THOP1: variants seen among roughly 807,000 people sequenced by gnomAD.
THOP1 encodes the protein thimet oligopeptidase 1.
In THOP1, 49 loss-of-function variants were observed where a neutral mutation model predicts 71.8. That is an observed-to-expected ratio of 0.68 (90% CI 0.54 to 0.87). The LOEUF is 0.87. THOP1 is among the 40% of genes least tolerant of loss of function. The probability of loss-of-function intolerance (pLI) is 0.00; values close to 1 mark genes in which losing one functional copy is unlikely to be tolerated. For missense variants in THOP1, 843 were observed against 975.6 expected, an observed-to-expected ratio of 0.86 and a Z score of 1.81; for synonymous variants, 426 against 421.5, an observed-to-expected ratio of 1.01 and a Z score of -0.13.
Position 2,811,645 on chromosome 19 carries a change from G to T in THOP1, c.1819G>T (p.Ala607Ser), listed in dbSNP as rs199651055. The T allele has an allele frequency of 1.3e-5, 21 of 1,613,270 alleles. No homozygotes were observed. Among genetic ancestry groups the T allele is most frequent in the Non-Finnish European group, 1.8e-5 (21 of 1,179,922 alleles). Residue 607 changes from alanine to serine, a missense_variant, in exon 12 of 13, where the codon GCC becomes TCC. Physicochemically the swap from Ala to Ser is moderately conservative, Grantham distance 99. Coordinates refer to ENST00000307741, the MANE Select transcript of THOP1 (RefSeq NM_003249.5). ...TFGHLAGGYD[A>S]QYYGYLWSEV... The stretch of plus-strand genomic sequence containing the variant: ...CGGCCATCTGGCAGGTGGCTACGAC[G>T]CCCAGTACTACGGGTACCTGTGGAG...
intron 3 of THOP1, among the ~76,000 whole-genome samples, chr19:2,795,573 G>A (rs1484950539): frequency 6.6e-6 from 1 of 152,164 alleles, no homozygotes; most frequent in Non-Finnish European, 1.5e-5. Context: ...TGATAGCCGT[G>A]GATTGTTATT....
At chr19:2,800,103 C>T (rs1916112008) in intron 5 of THOP1, among the ~76,000 whole-genome samples, 1 of 152,250 alleles carries the variant, frequency 6.6e-6, no homozygotes, top group Admixed American at 6.5e-5. Context: ...CCAAGGGTGC[C>T]AGTCTCAGCC....
Position 2,805,188 on chromosome 19 carries a change from C to T in THOP1, c.750+12C>T, listed in dbSNP as rs760369142. The T allele has an allele frequency of 3.7e-5, 60 of 1,606,986 alleles. No individual in the cohort carries two copies. Among genetic ancestry groups the T allele is most frequent in the Admixed American group, 3.5e-4 (21 of 59,392 alleles). On this transcript the variant is annotated intron_variant, in intron 6 of 12. Coordinates refer to ENST00000307741, the MANE Select transcript of THOP1 (RefSeq NM_003249.5). The surrounding 1 kb of genome is among the most constrained non-coding windows in gnomAD (Gnocchi z 6.6). ...GCCGGTGCAAGGAGGTGAGAAGGCACGGCCAGGGGGCCCCAGAACAGTGGG... is the reference window on the plus strand; with the variant it reads ...GCCGGTGCAAGGAGGTGAGAAGGCATGGCCAGGGGGCCCCAGAACAGTGGG...
chr19:2,789,946 G>A (rs1039462371), intron 1 of THOP1: 1 of 160,088 alleles, frequency 6.2e-6, no homozygotes, highest in South Asian at 1.4e-4. Context: ...GTACAGATGG[G>A]GTTTCACCAT....
chr19:2,793,354 C>T (rs1176969720), intron 2 of THOP1, among the ~76,000 whole-genome samples: 1 of 152,132 alleles, frequency 6.6e-6, no homozygotes, highest in East Asian at 1.9e-4. Context: ...CCACGCGTCC[C>T]CTCCTGTCTC....
intron 2 of THOP1, 141 bp downstream of exon 2, chr19:2,790,774 C>T (rs552597339): frequency 1.8e-5 from 13 of 718,412 alleles, no homozygotes; most frequent in South Asian, 5.2e-5. Context: ...CACAGGGCAG[C>T]GCCACCTGCT....
At position 2,807,637 on chromosome 19, in the gene THOP1, C is replaced by T; in HGVS notation, c.1082C>T (p.Pro361Leu). 8 of 1,611,496 alleles carry T rather than the reference C, an allele frequency of 5.0e-6. No homozygotes were observed. Among genetic ancestry groups the T allele is most frequent in the Non-Finnish European group, 6.8e-6 (8 of 1,178,952 alleles). The change falls in exon 8 of 13, where the codon CCC becomes CTC. Residue 361 changes from proline (P) to leucine (L), a missense_variant. Pro to Leu is a moderately conservative substitution (Grantham distance 98). Transcript: ENST00000307741. ...CAGAACCTGCTCAAGGAGTACTTCC[C>T]CGTGCAGGTGGTCACGCACGGGCTG... ...VDQNLLKEYF[P>L]VQVVTHGLLG...
chr19:2,802,065 C>A (rs553213739), intron 5 of THOP1, among the ~76,000 whole-genome samples: 2 of 151,744 alleles, frequency 1.3e-5, no homozygotes, highest in East Asian at 3.9e-4. Context: ...CCAACACTGC[C>A]ATCTCCCGAT....
Position 2,790,493 on chromosome 19 carries a change from C to T in THOP1, c.89C>T (p.Ala30Val), listed in dbSNP as rs768045466. 5.6e-6 allele frequency: 9 copies of T among 1,606,038 alleles called. No individual in the cohort carries two copies. In the South Asian group the frequency reaches 1.0e-4, roughly 18 times the overall value. ...AACGACCTGCGGTGGGACCTGAGTG[C>T]CCAGCAGATAGAGGAGCGCACCAGG... Reference protein sequence around the residue: ...VVNDLRWDLSAQQIEERTREL... With the variant: ...VVNDLRWDLSVQQIEERTREL... The change falls in exon 2 of 13, where the codon GCC (alanine) becomes GTC (valine). Residue 30 changes from alanine to valine, a missense_variant. Transcript: ENST00000307741.
intron 12 of THOP1, 163 bp downstream of exon 12, chr19:2,811,897 C>T (rs10414954): frequency 2.5e-6 from 3 of 1,184,156 alleles, no homozygotes; most frequent in Non-Finnish European, 3.3e-6. Context: ...AGGGCGTCCT[C>T]AACAGCAGGG....
At chr19:2,808,469 AGGGGC>A in intron 9 of THOP1, 25 bp downstream of exon 9, 1 of 1,526,962 alleles carries the variant, frequency 6.5e-7, no homozygotes, top group East Asian at 2.4e-5. Flanking sequence ...GGGCAGGGGC[AGGGGC>A]AGGGGCAGGG....
At chr19:2,798,318 A>G (rs774400992) in intron 4 of THOP1, among the ~76,000 whole-genome samples, 19 of 152,168 alleles carry the variant, frequency 1.2e-4, no homozygotes, top group Non-Finnish European at 2.1e-4. Context: ...GGTGTGAGCC[A>G]CTGTACCACA....
chr19:2,811,564 C>T, intron 11 of THOP1, 34 bp from the exon 12 acceptor site: 1 of 1,597,820 alleles, frequency 6.3e-7, no homozygotes. Context: ...GGGGTGGGGG[C>T]TACAGCGTGA....
intron 5 of THOP1, among the ~76,000 whole-genome samples, chr19:2,800,936 G>T (rs916176990): frequency 5.3e-5 from 8 of 152,002 alleles, no homozygotes; most frequent in Non-Finnish European, 7.3e-5. Context: ...GAAGGACTCG[G>T]TGCCTGATGT....
chr19:2,790,634 G>T lies in THOP1; in HGVS notation c.229+1G>T. ...GCCGATGTGGAGGTCACCTACACAG[G>T]TAAGTCCCAGGCAGGGTCTGTGCGT... On this transcript the variant is annotated splice_donor_variant, in intron 2 of 12. Transcript: ENST00000307741. LOFTEE classifies it high-confidence loss of function. 1.3e-6 allele frequency: 2 copies of T among 1,548,294 alleles called. No homozygotes were observed. The highest frequency in any genetic ancestry group is 1.7e-6 in the Non-Finnish European group (2 of 1,148,122).
At chr19:2,796,656 T>G (rs950094683) in intron 4 of THOP1, among the ~76,000 whole-genome samples, 6 of 149,242 alleles carry the variant, frequency 4.0e-5, no homozygotes, top group Middle Eastern at 3.3e-3. Context: ...CGGGGAGTGC[T>G]GGGCTCAGGG....
At position 2,805,301 on chromosome 19, in the gene THOP1, G is replaced by A; in HGVS notation, c.750+125G>A. On this transcript the variant is annotated intron_variant, in intron 6 of 12. Transcript: ENST00000307741. The surrounding 1 kb of genome is among the most constrained non-coding windows in gnomAD (Gnocchi z 6.6). ...ATGGCCTCCCAATCTCCCTGGCCAG[G>A]CCCAGTGGCCAGCAGAGGCCTCCCT... is the stretch of plus-strand genomic sequence containing the variant. The A allele has an allele frequency of 1.7e-6, 2 of 1,197,094 alleles. No homozygotes were observed. Among genetic ancestry groups the A allele is most frequent in the Non-Finnish European group, 2.3e-6 (2 of 877,764 alleles). 74.2% of individuals were successfully genotyped at this position (1,197,094 alleles called of 1,614,324 possible).
At chr19:2,791,868 T>A (rs1259102833) in intron 2 of THOP1, among the ~76,000 whole-genome samples, 1 of 152,180 alleles carries the variant, frequency 6.6e-6, no homozygotes, top group African/African-American at 2.4e-5. Context: ...ACGCCCAGCA[T>A]CCTCGGTGTG....
intron 8 of THOP1, 119 bp downstream of exon 8, chr19:2,807,927 A>C (rs1599531025): frequency 8.3e-7 from 1 of 1,200,906 alleles, no homozygotes; most frequent in Non-Finnish European, 1.1e-6. Context: ...TCGGGGATGA[A>C]CCCCGAGACG....
Sources: allele counts gnomAD v4.1 joint callset (sites outside exome capture counted in the v4.1 genomes callset), GRCh38; gene constraint gnomAD v4.1.1; non-coding constraint Gnocchi (gnomAD v3.1); transcripts MANE v1.5; gene names NCBI Gene and HGNC (gene_info 2026-07-23, HGNC 2026-07-21).